ARHGEF37: variants seen among roughly 807,000 people sequenced by gnomAD.
The protein encoded by ARHGEF37 is Rho guanine nucleotide exchange factor (GEF) 37.
In ARHGEF37, 55 loss-of-function variants were observed where a neutral mutation model predicts 71.1. The ratio of observed to expected loss-of-function variants is 0.77; its 90% CI spans 0.62 to 0.97. ARHGEF37 has a LOEUF of 0.97. Ranked by LOEUF, ARHGEF37 falls within the 50% of genes least tolerant of loss-of-function variation. The pLI is 0.00. For synonymous variants in ARHGEF37, 327 were observed against 350.6 expected, an observed-to-expected ratio of 0.93 and a Z score of 0.75; for missense variants, 765 against 836.8, an observed-to-expected ratio of 0.91 and a Z score of 1.06.
At chr5:149,631,667 A>C (rs1752888675) in intron 12 of ARHGEF37, among the ~76,000 whole-genome samples, 1 of 151,998 alleles carries the variant, frequency 6.6e-6, no homozygotes, top group Non-Finnish European at 1.5e-5. Context: ...ACTGCTGTGC[A>C]ATTTTGAGTA....
chr5:149,556,635 C>G (rs1762761355), intron 1 of ARHGEF37, among the ~76,000 whole-genome samples: 1 of 152,140 alleles, frequency 6.6e-6, no homozygotes, highest in Non-Finnish European at 1.5e-5. Flanking sequence ...GATCCACCTG[C>G]CTCGGCCTCC....
upstream of ARHGEF37, among the ~76,000 whole-genome samples, chr5:149,579,871 C>T (rs1404197398): frequency 6.6e-6 from 1 of 152,068 alleles, no homozygotes; most frequent in Admixed American, 6.6e-5. Flanking sequence ...AGGCGTGAAC[C>T]ACCGTGCCCC....
At chr5:149,574,796 A>G (rs928375100) in intron 1 of ARHGEF37, among the ~76,000 whole-genome samples, 3 of 152,112 alleles carry the variant, frequency 2.0e-5, no homozygotes, top group Admixed American at 1.3e-4. Flanking sequence ...CTTACATCCC[A>G]TAGGTCACCA....
At chr5:149,570,065 A>C (rs2113245048) in intron 1 of ARHGEF37, among the ~76,000 whole-genome samples, 1 of 152,352 alleles carries the variant, frequency 6.6e-6, no homozygotes, top group South Asian at 2.1e-4. Flanking sequence ...TAATGCAAGA[A>C]AAGATACACA....
At chr5:149,564,662 T>C (rs774163970) in intron 1 of ARHGEF37, among the ~76,000 whole-genome samples, 4 of 152,062 alleles carry the variant, frequency 2.6e-5, no homozygotes, top group Non-Finnish European at 4.4e-5. Context: ...CCGTCTCTAC[T>C]AAAAATACAA....
intron 1 of ARHGEF37, among the ~76,000 whole-genome samples, chr5:149,590,794 T>C (rs1400358631): frequency 6.6e-6 from 1 of 152,098 alleles, no homozygotes; most frequent in Non-Finnish European, 1.5e-5. Flanking sequence ...AGATGGGGTT[T>C]CACCACGTTG....
At chr5:149,612,177 C>CG (rs1554123383) in intron 4 of ARHGEF37, among the ~76,000 whole-genome samples, 2 of 151,724 alleles carry the variant, frequency 1.3e-5, no homozygotes, top group African/African-American at 4.8e-5. Flanking sequence ...CTGACTTTCT[C>CG]TTTTTTTTGA....
chr5:149,609,725 C>G, intron 4 of ARHGEF37, 30 bp downstream of exon 4: 1 of 1,611,312 alleles, frequency 6.2e-7, no homozygotes, highest in South Asian at 1.1e-5. Flanking sequence ...AGCACTCGCT[C>G]CTACCCCACT....
At chr5:149,578,670 TGGATCACTCTGTCAAA>T (rs1763053032), upstream of ARHGEF37, among the ~76,000 whole-genome samples, 1 of 152,234 alleles carries the variant, frequency 6.6e-6, no homozygotes. Context: ...AATTTAAAAA[TGGATCACTCTGTCAAA>T]GGTAGAAGTG....
At chr5:149,626,241 AACACACAC>A (rs58263212) in intron 10 of ARHGEF37, among the ~76,000 whole-genome samples, 10,600 of 133,686 alleles carry the variant, frequency 0.079, 687 homozygotes, top group African/African-American at 0.19. Flanking sequence ...GAGCATGGTG[AACACACAC>A]ACACACACAC....
chr5:149,575,283 T>C (rs1187559475), intron 1 of ARHGEF37, among the ~76,000 whole-genome samples: 3 of 152,358 alleles, frequency 2.0e-5, no homozygotes, highest in Non-Finnish European at 4.4e-5. Flanking sequence ...ACAGACTCGG[T>C]AGGAAAGGTC....
intron 1 of ARHGEF37, among the ~76,000 whole-genome samples, chr5:149,583,420 G>A (rs1174647639): frequency 6.6e-6 from 1 of 152,196 alleles, no homozygotes; most frequent in Non-Finnish European, 1.5e-5. Context: ...ACAGGCGTGA[G>A]CCACTGTGCC....
chr5:149,582,784 AAATTT>A (rs1457054479), intron 1 of ARHGEF37, among the ~76,000 whole-genome samples: 22 of 152,298 alleles, frequency 1.4e-4, no homozygotes, highest in South Asian at 6.2e-4. Flanking sequence ...ACACAGTTTA[AAATTT>A]AATTTAATTA....
chr5:149,561,456 C>A (rs1323954760), intron 1 of ARHGEF37, among the ~76,000 whole-genome samples: 1 of 152,118 alleles, frequency 6.6e-6, no homozygotes. Flanking sequence ...TAGTCTAATC[C>A]TTGGCAAAGA....
upstream of ARHGEF37, among the ~76,000 whole-genome samples, chr5:149,580,028 T>C (rs1256154763): frequency 2.0e-5 from 3 of 152,190 alleles, no homozygotes; most frequent in Admixed American, 1.3e-4. Context: ...GGCTACTTTT[T>C]TGAAAAGTCC....
At chr5:149,557,865 ATTTTTT>A (rs529240803) in intron 1 of ARHGEF37, among the ~76,000 whole-genome samples, 1 of 137,096 alleles carries the variant, frequency 7.3e-6, no homozygotes, top group Admixed American at 7.4e-5. Flanking sequence ...TTACCCAATA[ATTTTTT>A]TTTTTTTTTT....
chr5:149,610,788 C>T (rs531424079), intron 4 of ARHGEF37, among the ~76,000 whole-genome samples: 1 of 152,370 alleles, frequency 6.6e-6, no homozygotes, highest in East Asian at 1.9e-4. Context: ...CTAGAGACAA[C>T]AGACCCTGTG....
At chr5:149,568,248 A>G (rs1042203730) in intron 1 of ARHGEF37, among the ~76,000 whole-genome samples, 2 of 151,902 alleles carry the variant, frequency 1.3e-5, no homozygotes, top group Non-Finnish European at 2.9e-5. Context: ...GTTGGTCTTG[A>G]ACTCCTGTGC....
intron 1 of ARHGEF37, among the ~76,000 whole-genome samples, chr5:149,565,517 AG>A (rs1238162473): frequency 3.3e-5 from 5 of 152,332 alleles, no homozygotes; most frequent in African/African-American, 9.6e-5. Flanking sequence ...AATGGGCAAA[AG>A]CATACTGGCT....
Sources: allele counts gnomAD v4.1 joint callset (sites outside exome capture counted in the v4.1 genomes callset), GRCh38; gene constraint gnomAD v4.1.1; transcripts MANE v1.5; gene names NCBI Gene and HGNC (gene_info 2026-07-23, HGNC 2026-07-21).